The following SLAMF9 variants were observed in gnomAD, a reference collection of about 807,000 sequenced individuals.
SLAMF9 encodes the protein SLAM family member 9, also known as CD2 family member 10.
A neutral mutation model predicts 30.4 loss-of-function variants in SLAMF9; 25 were observed. That is an observed-to-expected ratio of 0.82 (90% CI 0.60 to 1.15). The LOEUF is 1.15. SLAMF9 is among the 50% of genes most tolerant of loss of function. The pLI is 0.00. For synonymous variants in SLAMF9, 129 were observed against 127.2 expected (o/e 1.01, Z -0.09); for missense variants, 344 against 346.1 (o/e 0.99, Z 0.05).
chr1:159,957,699 G>A (rs894157991), upstream of SLAMF9, among the ~76,000 whole-genome samples: 11 of 152,108 alleles, frequency 7.2e-5, no homozygotes, highest in Admixed American at 3.9e-4. Context: ...CAACACTTAC[G>A]TTAATTAGCT....
At chr1:159,961,748 A>T in the SLAMF9 span, among the ~76,000 whole-genome samples, 2 of 152,246 alleles carry the variant, frequency 1.3e-5, no homozygotes, top group South Asian at 4.1e-4. Flanking sequence ...AGAAGCCCAC[A>T]CAGGCAGGGC....
chr1:159,983,220 T>C, the SLAMF9 span: 10 of 152,324 alleles, frequency 6.6e-5, no homozygotes, highest in African/African-American at 2.4e-4. Flanking sequence ...TTCATCCTTT[T>C]CTTTTCTTCT....
chr1:159,964,157 T>A, the SLAMF9 span, among the ~76,000 whole-genome samples: 50 of 152,306 alleles, frequency 3.3e-4, no homozygotes, highest in East Asian at 5.8e-3. Context: ...ATCCACCTAC[T>A]TATCAAGGTC....
At chr1:159,976,152 T>C in the SLAMF9 span, among the ~76,000 whole-genome samples, 1 of 152,040 alleles carries the variant, frequency 6.6e-6, no homozygotes, top group South Asian at 2.1e-4. Flanking sequence ...GCTTTTTATA[T>C]ATAAAGAATA....
the SLAMF9 span, among the ~76,000 whole-genome samples, chr1:159,965,159 C>T: frequency 6.6e-6 from 1 of 152,188 alleles, no homozygotes; most frequent in Non-Finnish European, 1.5e-5. Context: ...CAGCAGTGAA[C>T]AGGAAAACGC....
At chr1:159,974,040 G>C in the SLAMF9 span, 2 of 1,604,576 alleles carry the variant, frequency 1.2e-6, no homozygotes, top group South Asian at 1.1e-5. Flanking sequence ...CACAGGGTTT[G>C]GCCAGGCTTG....
chr1:159,967,804 A>G, the SLAMF9 span, among the ~76,000 whole-genome samples: 1 of 152,170 alleles, frequency 6.6e-6, no homozygotes, highest in Non-Finnish European at 1.5e-5. Flanking sequence ...TTTTCAGTAT[A>G]TAAGTCTTTC....
chr1:159,980,503 C>T, the SLAMF9 span: 1 of 152,228 alleles, frequency 6.6e-6, no homozygotes, highest in African/African-American at 2.4e-5. Flanking sequence ...TTAATTTCAC[C>T]TCATGTCAGA....
At chr1:159,957,136 A>AG (rs1557944631), upstream of SLAMF9, among the ~76,000 whole-genome samples, 3 of 66,324 alleles carry the variant, frequency 4.5e-5, no homozygotes, top group Non-Finnish European at 6.3e-5. Flanking sequence ...AAAAAAAAAA[A>AG]AGACAAAAAA....
In SLAMF9 at chr1:159,951,850, A is replaced by C. The variant is rs1380711166; in HGVS notation, c.681T>G (p.Ser227=). Reference sequence around the variant, plus strand: ...GGCAGAAGGCTGTTGAAGGCTTCTCAGAAGCATAGTTAGGATCTGGGGTGG... The same window carrying C: ...GGCAGAAGGCTGTTGAAGGCTTCTCCGAAGCATAGTTAGGATCTGGGGTGG... ...GPFYADPNYA[S]EKPSTAFCLL... is the part of the protein sequence containing the mutation. Residue 227 remains serine, a synonymous_variant, in exon 4 of 4, where the codon TCT becomes TCG. Transcript: ENST00000368093. The C allele has an allele frequency of 6.2e-7, 1 of 1,614,156 alleles. No individual in the cohort carries two copies. The highest frequency in any genetic ancestry group is 1.7e-5 in the Admixed American group (1 of 60,030).
At chr1:159,973,346 G>C in the SLAMF9 span, 1 of 572,144 alleles carries the variant, frequency 1.7e-6, no homozygotes, top group African/African-American at 1.9e-5. Context: ...AGGAGGCTGA[G>C]GCCTGAGCTT....
At chr1:159,959,365 G>A in the SLAMF9 span, among the ~76,000 whole-genome samples, 1 of 151,912 alleles carries the variant, frequency 6.6e-6, no homozygotes, top group Non-Finnish European at 1.5e-5. Flanking sequence ...ATCAGCCCCT[G>A]GACATCTGGC....
At chr1:159,958,636 A>AT (rs552868404), upstream of SLAMF9, among the ~76,000 whole-genome samples, 9 of 151,076 alleles carry the variant, frequency 6.0e-5, 1 homozygote, top group Non-Finnish European at 4.4e-5. Context: ...AAGTTTTTTA[A>AT]TTTTTTTTTA....
chr1:159,954,167 T>C lies in SLAMF9; in HGVS notation c.-30A>G. The C allele has an allele frequency of 1.2e-6, 2 of 1,613,718 alleles. No homozygotes were observed. The highest frequency in any genetic ancestry group is 1.1e-5 in the South Asian group (1 of 91,010). ...GCAGCCCCCAGCCCCAGAGGTGTGA[T>C]TCAGTCAGTCAGTCCCCAGGACTGT... On this transcript the variant is annotated 5_prime_UTR_variant, in exon 1 of 4. Transcript: ENST00000368093.
At chr1:159,953,002 G>A (rs1371179949) in intron 2 of SLAMF9, among the ~76,000 whole-genome samples, 2 of 152,166 alleles carry the variant, frequency 1.3e-5, no homozygotes, top group Non-Finnish European at 2.9e-5. Flanking sequence ...GAATGTAGGT[G>A]GTGTTCATCC....
upstream of SLAMF9, among the ~76,000 whole-genome samples, chr1:159,955,429 A>T (rs1308735592): frequency 6.6e-6 from 1 of 152,216 alleles, no homozygotes; most frequent in African/African-American, 2.4e-5. Context: ...CAATTTTATG[A>T]GTCTGTGCTG....
At chr1:159,979,300 C>T in the SLAMF9 span, among the ~76,000 whole-genome samples, 19 of 152,180 alleles carry the variant, frequency 1.2e-4, no homozygotes, top group South Asian at 2.1e-4. Flanking sequence ...CATGAAATTC[C>T]GCTGATGTCT....
At chr1:159,957,579 G>A (rs907961923), upstream of SLAMF9, among the ~76,000 whole-genome samples, 15 of 152,216 alleles carry the variant, frequency 9.9e-5, no homozygotes, top group African/African-American at 2.2e-4. Context: ...AGCCGAGATC[G>A]TGCCACTGCA....
At chr1:159,976,189 A>G in the SLAMF9 span, among the ~76,000 whole-genome samples, 165 of 152,262 alleles carry the variant, frequency 1.1e-3, no homozygotes, top group African/African-American at 3.7e-3. Context: ...GGCTTAAAAT[A>G]GCACAAGGGC....
Sources: allele counts gnomAD v4.1 joint callset (sites outside exome capture counted in the v4.1 genomes callset), GRCh38; gene constraint gnomAD v4.1.1; transcripts MANE v1.5; gene names NCBI Gene and HGNC (gene_info 2026-07-23, HGNC 2026-07-21).